The following CA1 variants were observed in gnomAD, a reference collection of about 807,000 sequenced individuals.
The protein encoded by CA1 is carbonic anhydrase 1, also known as carbonate dehydratase I.
In CA1, 27 loss-of-function variants were observed where a neutral mutation model predicts 28.8. The ratio of observed to expected loss-of-function variants is 0.94; its 90% CI spans 0.69 to 1.29. CA1 has a LOEUF of 1.29. CA1 is among the 50% of genes most tolerant of loss of function. The probability of loss-of-function intolerance (pLI) is 0.00; values close to 1 mark genes in which losing one functional copy is unlikely to be tolerated. For missense variants in CA1, 335 were observed against 310.5 expected (o/e 1.08, Z -0.59); for synonymous variants, 121 against 108.8 (o/e 1.11, Z -0.70).
chr8:85,333,933 T>C (rs1808525971), intron 4 of CA1, among the ~76,000 whole-genome samples: 1 of 152,226 alleles, frequency 6.6e-6, no homozygotes, highest in African/African-American at 2.4e-5. Context: ...TAACTAGTTT[T>C]TGGGAAAATA....
At chr8:85,355,549 CTT>C (rs11353842) in intron 1 of CA1, among the ~76,000 whole-genome samples, 35 of 108,700 alleles carry the variant, frequency 3.2e-4, no homozygotes, top group South Asian at 1.0e-3. Context: ...TGTCTAGTTC[CTT>C]TTTTTTTTTT....
chr8:85,366,070 C>G (rs1311648457), intron 1 of CA1, among the ~76,000 whole-genome samples: 1 of 151,962 alleles, frequency 6.6e-6, no homozygotes, highest in Non-Finnish European at 1.5e-5. Context: ...CAGGCCAACT[C>G]TAGCAGCCCT....
At chr8:85,338,610 TTTTC>T (rs1181004883) in intron 2 of CA1, among the ~76,000 whole-genome samples, 161 bp from the exon 3 acceptor site, 80 of 151,774 alleles carry the variant, frequency 5.3e-4, no homozygotes, top group African/African-American at 1.7e-3. Context: ...AAGATGTCCC[TTTTC>T]TTTCTTTCTT....
At chr8:85,375,453 T>C (rs1482110812) in intron 1 of CA1, among the ~76,000 whole-genome samples, 4 of 151,072 alleles carry the variant, frequency 2.6e-5, no homozygotes, top group Non-Finnish European at 5.9e-5. Flanking sequence ...TAATGCCATG[T>C]GCCACCCACC....
At position 85,341,820 on chromosome 8, in the gene CA1, GTGT is replaced by G. The variant is rs1808945893; in HGVS notation, c.-24-164_-24-162del. 2.7e-5 allele frequency: 15 copies of G among 549,148 alleles called. No homozygotes were observed. The East Asian group carries it at 4.4e-4, about 16-fold the overall frequency. The allele number at this position is 549,148 out of a possible 1,614,324, so 34.0% of individuals were successfully genotyped here. A position where few individuals can be genotyped will look rare whatever the true frequency, so the allele number is the denominator to read the frequency against. On this transcript the variant is annotated intron_variant, in intron 1 of 7. Coordinates refer to ENST00000523022, the MANE Select transcript of CA1 (RefSeq NM_001128831.4). ...GGAAGTACACATATCTAAAAAAAAG[GTGT>G]TGTAAAAAATTCTACAAGGGCTATG... is the stretch of plus-strand genomic sequence containing the variant.
chr8:85,337,202 C>T (rs1585921325), intron 3 of CA1, 139 bp from the exon 4 acceptor site: 2 of 692,272 alleles, frequency 2.9e-6, no homozygotes, highest in African/African-American at 3.5e-5. Context: ...ATCTTGTTTT[C>T]CCCCACATCC....
At position 85,332,480 on chromosome 8, in the gene CA1, G is replaced by A. The variant is rs1257913275; in HGVS notation, c.513+10C>T. 6.2e-7 allele frequency: 1 copy of A among 1,601,588 alleles called. No individual in the cohort carries two copies. Among genetic ancestry groups the A allele is most frequent in the East Asian group, 2.2e-5 (1 of 44,666 alleles). On this transcript the variant is annotated intron_variant, in intron 6 of 7. Transcript: ENST00000523022. ...TTCTCTGATTTAAACTACTTATTTA[G>A]TGTGTTTACCTTGGTTTTAATTGCT... is the stretch of plus-strand genomic sequence containing the variant.
chr8:85,336,592 A>T (rs779322765), intron 4 of CA1, among the ~76,000 whole-genome samples: 6 of 152,118 alleles, frequency 3.9e-5, no homozygotes, highest in Non-Finnish European at 7.4e-5. Context: ...TCCAAACTTG[A>T]ACGTTTAAAT....
At position 85,346,820 on chromosome 8, in the gene CA1, C is replaced by CAA. The variant is rs200877844; in HGVS notation, c.-24-5163_-24-5162dup. 1.4e-4 allele frequency among the ~76,000 whole-genome samples: 20 copies of CAA among 144,600 alleles called. No individual in the cohort carries two copies. In the East Asian group the frequency reaches 1.4e-3, roughly 10 times the overall value. 94.9% of individuals were successfully genotyped at this position (144,600 alleles called of 152,430 possible). A position where few individuals can be genotyped will look rare whatever the true frequency, so the allele number is the denominator to read the frequency against. On this transcript the variant is annotated intron_variant, in intron 1 of 7. Transcript: ENST00000523022. Reference sequence around the variant, plus strand: ...AAATATAAATGATCAACATAAGCCTCAAAAAAAAAAGAGTTTGATTTTAAC... The same window carrying CAA: ...AAATATAAATGATCAACATAAGCCTCAAAAAAAAAAAAGAGTTTGATTTTAAC...
intron 1 of CA1, among the ~76,000 whole-genome samples, chr8:85,347,428 T>G (rs1017545221): frequency 2.0e-5 from 3 of 152,220 alleles, no homozygotes; most frequent in Non-Finnish European, 4.4e-5. Flanking sequence ...CCAAGAGGTG[T>G]ATTTCAGTGA....
At chr8:85,363,447 G>T (rs563299641) in intron 1 of CA1, among the ~76,000 whole-genome samples, 1 of 152,332 alleles carries the variant, frequency 6.6e-6, no homozygotes, top group South Asian at 2.1e-4. Flanking sequence ...CCACCTGAGT[G>T]ACTTGCCCAC....
chr8:85,360,543 A>G (rs1185115386), intron 1 of CA1, among the ~76,000 whole-genome samples: 1 of 152,058 alleles, frequency 6.6e-6, no homozygotes, highest in Non-Finnish European at 1.5e-5. Flanking sequence ...AAACACAAAA[A>G]TTAGCCAGGC....
chr8:85,346,621 G>A (rs1809197612), intron 1 of CA1, among the ~76,000 whole-genome samples: 1 of 152,042 alleles, frequency 6.6e-6, no homozygotes, highest in African/African-American at 2.4e-5. Context: ...AATTAGCCAG[G>A]CGTGATGGTA....
chr8:85,351,474 C>A (rs1180189915), intron 1 of CA1, among the ~76,000 whole-genome samples: 2 of 152,182 alleles, frequency 1.3e-5, no homozygotes, highest in East Asian at 3.8e-4. Flanking sequence ...ATATTGACAG[C>A]ACTGCTCTAG....
At position 85,336,996 on chromosome 8, in the gene CA1, T is replaced by A. The variant is rs755860336; in HGVS notation, c.303A>T (p.Thr101=). The A allele has an allele frequency of 6.2e-7, 1 of 1,613,394 alleles. No individual in the cohort carries two copies. The highest frequency in any genetic ancestry group is 1.7e-4 in the Middle Eastern group (1 of 6,052). The change falls in exon 4 of 8, where the codon ACA becomes ACT. Residue 101 remains threonine (T), a synonymous_variant. Coordinates refer to ENST00000523022, the MANE Select transcript of CA1 (RefSeq NM_001128831.4). ...LFQFHFHWGS[T]NEHGSEHTVD... is the part of the protein sequence containing the mutation. ...CTGTATGTTCTGAACCATGCTCATT[T>A]GTACTGCCCCAGTGAAAATGGAACT...
chr8:85,369,093 G>A (rs928272835), intron 1 of CA1, among the ~76,000 whole-genome samples: 1 of 152,022 alleles, frequency 6.6e-6, no homozygotes, highest in Admixed American at 6.6e-5. Context: ...CTGATCTCTG[G>A]GTTCTTCCCT....
chr8:85,368,081 A>G (rs927390865), intron 1 of CA1, among the ~76,000 whole-genome samples: 15 of 152,082 alleles, frequency 9.9e-5, no homozygotes, highest in Admixed American at 2.6e-4. Flanking sequence ...ATAAAAACAA[A>G]ATATTGAAAG....
At chr8:85,352,726 G>T (rs1231260604) in intron 1 of CA1, among the ~76,000 whole-genome samples, 1 of 150,890 alleles carries the variant, frequency 6.6e-6, no homozygotes, top group Non-Finnish European at 1.5e-5. Context: ...GAGTGCAGTG[G>T]TGTGATCTCA....
chr8:85,368,000 TTTC>T (rs1385524418), intron 1 of CA1, among the ~76,000 whole-genome samples: 1 of 152,082 alleles, frequency 6.6e-6, no homozygotes, highest in Non-Finnish European at 1.5e-5. Flanking sequence ...TCTCACTTAT[TTTC>T]TTTTCATTGC....
Sources: allele counts gnomAD v4.1 joint callset (sites outside exome capture counted in the v4.1 genomes callset), GRCh38; gene constraint gnomAD v4.1.1; transcripts MANE v1.5; gene names NCBI Gene and HGNC (gene_info 2026-07-23, HGNC 2026-07-21).